TLCD3A: variants seen among roughly 807,000 people sequenced by gnomAD.
TLCD3A encodes the protein TLC domain-containing protein 3A.
In TLCD3A, 17 loss-of-function variants were observed where a neutral mutation model predicts 29.9. The ratio of observed to expected loss-of-function variants is 0.57; its 90% CI spans 0.39 to 0.85. The LOEUF (loss-of-function observed/expected upper bound fraction) is 0.85, where lower values mean the gene tolerates loss of function less well. Among genes scored for constraint, TLCD3A ranks in the 40% least tolerant of loss-of-function variants. TLCD3A has a pLI of 0.00. For synonymous variants in TLCD3A, 143 were observed against 147.7 expected, an observed-to-expected ratio of 0.97 and a Z score of 0.23; for missense variants, 332 against 350.8, an observed-to-expected ratio of 0.95 and a Z score of 0.43.
chr17:734,444 A>G lies in TLCD3A; in HGVS notation c.206+1263A>G, dbSNP rs549686673. Among the ~76,000 whole-genome samples, 5 of 151,570 alleles carry G rather than the reference A, an allele frequency of 3.3e-5. No homozygotes were observed. In the East Asian group the frequency reaches 9.7e-4, roughly 30 times the overall value. On this transcript the variant is annotated intron_variant, in intron 2 of 4. Coordinates refer to ENST00000308278, the MANE Select transcript of TLCD3A (RefSeq NM_024792.3). ...GTCTTCCTTAGCCTCCCAAGCTTGG[A>G]CTACAGGCACACACTACTACACCTG...
intron 2 of TLCD3A, among the ~76,000 whole-genome samples, chr17:733,735 AATC>A (rs1421215409): frequency 1.3e-5 from 2 of 152,230 alleles, no homozygotes; most frequent in Non-Finnish European, 1.5e-5. Context: ...CAGTGAAACA[AATC>A]ATAAATTAAG....
At position 741,859 on chromosome 17, in the gene TLCD3A, G is replaced by A. The variant is rs1428399928; in HGVS notation, c.*289G>A. On this transcript the variant is annotated 3_prime_UTR_variant, in exon 5 of 5. Coordinates refer to ENST00000308278, the MANE Select transcript of TLCD3A (RefSeq NM_024792.3). ...GGTCTTATCTCAAGAGCTCTGGGAG[G>A]TGGAAGCATGGGGTGGGATCGGTGG... 1.1e-5 allele frequency: 5 copies of A among 448,228 alleles called. No homozygotes were observed. Among genetic ancestry groups the A allele is most frequent in the Non-Finnish European group, 2.0e-5 (5 of 244,648 alleles). The allele number at this position is 448,228 out of a possible 1,614,324, so 27.8% of individuals were successfully genotyped here.
chr17:740,695 G>T lies in TLCD3A; in HGVS notation c.504+95G>T. 5 of 1,256,688 alleles carry T rather than the reference G, an allele frequency of 4.0e-6. No individual in the cohort carries two copies. The South Asian group carries it at 5.2e-5, about 13-fold the overall frequency. 77.8% of individuals were successfully genotyped at this position (1,256,688 alleles called of 1,614,324 possible). On this transcript the variant is annotated intron_variant, in intron 4 of 4. Coordinates refer to ENST00000308278, the MANE Select transcript of TLCD3A (RefSeq NM_024792.3). The stretch of plus-strand genomic sequence containing the variant: ...AGAGTGAGGGTTCTGATTCAGGCAT[G>T]TATGAATGAATGGCAGAGAGAGTGA...
intron 3 of TLCD3A, among the ~76,000 whole-genome samples, chr17:739,638 A>C (rs968379963): frequency 2.0e-5 from 3 of 152,258 alleles, no homozygotes; most frequent in Non-Finnish European, 4.4e-5. Flanking sequence ...GCGCCCTGCC[A>C]GGCATGTGAT....
At chr17:733,720 A>G (rs1974112803) in intron 2 of TLCD3A, among the ~76,000 whole-genome samples, 15 of 152,250 alleles carry the variant, frequency 9.9e-5, no homozygotes, top group Admixed American at 9.8e-4. Context: ...ACCTATCTGC[A>G]GTTCCAGTGA....
At chr17:735,675 C>A (rs1974143044) in intron 2 of TLCD3A, among the ~76,000 whole-genome samples, 1 of 151,984 alleles carries the variant, frequency 6.6e-6, no homozygotes, top group Non-Finnish European at 1.5e-5. Flanking sequence ...CCAAAAGAAA[C>A]CTAGCTAGGT....
In TLCD3A at chr17:741,721, T is replaced by C. The variant is rs1974258337; in HGVS notation, c.*151T>C. On this transcript the variant is annotated 3_prime_UTR_variant, in exon 5 of 5. Coordinates refer to ENST00000308278, the MANE Select transcript of TLCD3A (RefSeq NM_024792.3). ...CTAAAGAATATTCATATTACCTCCT[T>C]CTTCTAACTTGCCCTATTTGCAAAA... 1 of 941,870 alleles carries C rather than the reference T, an allele frequency of 1.1e-6. No individual in the cohort carries two copies. Among genetic ancestry groups the C allele is most frequent in the Non-Finnish European group, 1.5e-6 (1 of 646,516 alleles). The allele number at this position is 941,870 out of a possible 1,614,324, so 58.3% of individuals were successfully genotyped here.
intron 2 of TLCD3A, among the ~76,000 whole-genome samples, chr17:734,917 A>C (rs576871239): frequency 6.6e-6 from 1 of 152,270 alleles, no homozygotes; most frequent in South Asian, 2.1e-4. Context: ...CCTGGGCTCA[A>C]GCCATTCTCC....
rs771963033 is a variant in TLCD3A at position 741,405 on chromosome 17, T to C, written c.609T>C (p.Tyr203=). The change falls in exon 5 of 5, where the codon TAT becomes TAC. Residue 203 remains tyrosine (Y), a synonymous_variant. Transcript: ENST00000308278. ...TCTTCCCCTTCATGTACTGGTCCTA[T>C]GGCCGCCAGCAGGGACTAAGCCTGC... ...ILLFPFMYWS[Y]GRQQGLSLLQ... is the part of the protein sequence containing the mutation. The C allele has an allele frequency of 8.1e-6, 13 of 1,614,128 alleles. No homozygotes were observed. Among genetic ancestry groups the C allele is most frequent in the Non-Finnish European group, 1.0e-5 (12 of 1,180,044 alleles).
rs1194685055 is a variant in TLCD3A at position 741,684 on chromosome 17, A to G, written c.*114A>G. On this transcript the variant is annotated 3_prime_UTR_variant, in exon 5 of 5. Coordinates refer to ENST00000308278, the MANE Select transcript of TLCD3A (RefSeq NM_024792.3). Reference sequence around the variant, plus strand: ...ACTTTGGGTATTGATAAGCCGATGGATTTGAGTTTTTCTAAAGAATATTCA... The same window carrying G: ...ACTTTGGGTATTGATAAGCCGATGGGTTTGAGTTTTTCTAAAGAATATTCA... 1 of 1,292,026 alleles carries G rather than the reference A, an allele frequency of 7.7e-7. No individual in the cohort carries two copies. Among genetic ancestry groups the G allele is most frequent in the African/African-American group, 1.5e-5 (1 of 67,138 alleles). The allele number at this position is 1,292,026 out of a possible 1,614,324, so 80.0% of individuals were successfully genotyped here. A position where few individuals can be genotyped will look rare whatever the true frequency, so the allele number is the denominator to read the frequency against.
rs1430052534 is a variant in TLCD3A, at chr17:742,488, A to C, written c.*918A>C. ...TGTGGAAACCTACTTCTGTCCTCCA[A>C]ACCATGAAATGTGTCATCTAGACTG... On this transcript the variant is annotated 3_prime_UTR_variant, in exon 5 of 5. Coordinates refer to ENST00000308278, the MANE Select transcript of TLCD3A (RefSeq NM_024792.3). 1 of 152,192 alleles carries C rather than the reference A, an allele frequency of 6.6e-6. No individual in the cohort carries two copies. Among genetic ancestry groups the C allele is most frequent in the Non-Finnish European group, 1.5e-5 (1 of 68,034 alleles). The allele number at this position is 152,192 out of a possible 1,614,324, so 9.4% of individuals were successfully genotyped here. A position where few individuals can be genotyped will look rare whatever the true frequency, so the allele number is the denominator to read the frequency against.
rs756472797 is a variant in TLCD3A, at chr17:741,551, A to C, written c.755A>C (p.Gln252Pro). 1 of 1,613,420 alleles carries C rather than the reference A, an allele frequency of 6.2e-7. No homozygotes were observed. Among genetic ancestry groups the C allele is most frequent in the Non-Finnish European group, 8.5e-7 (1 of 1,180,010 alleles). Residue 252 changes from glutamine (Q) to proline (P), a missense_variant, in exon 5 of 5, where the codon CAA becomes CCA. Gln to Pro is a moderately conservative substitution (Grantham distance 76). Transcript: ENST00000308278. ...GCAGTCCGGCTCTTTGACACTCCCC[A>C]AGCCAAAAAGGATGGCTAAATGCTC... ...RKAVRLFDTP[Q>P]AKKDG
rs1187831384 is a variant in TLCD3A, at chr17:742,573, CTG to C, written c.*1009_*1010del. Reference sequence around the variant, plus strand: ...AGAGCTTGTGGTCCAAAGCCCATTCCTGTGTGTCCGTCCTGCCATTTAGCCAC... The same window carrying C: ...AGAGCTTGTGGTCCAAAGCCCATTCCTGTGTCCGTCCTGCCATTTAGCCAC... On this transcript the variant is annotated 3_prime_UTR_variant, in exon 5 of 5. Coordinates refer to ENST00000308278, the MANE Select transcript of TLCD3A (RefSeq NM_024792.3). 6.6e-6 allele frequency: 1 copy of C among 152,298 alleles called. No homozygotes were observed. The highest frequency in any genetic ancestry group is 1.5e-5 in the Non-Finnish European group (1 of 68,062). 9.4% of individuals were successfully genotyped at this position (152,298 alleles called of 1,614,324 possible).
At position 737,925 on chromosome 17, in the gene TLCD3A, T is replaced by C. The variant is rs1328213043; in HGVS notation, c.286T>C (p.Trp96Arg). 1.2e-6 allele frequency: 2 copies of C among 1,613,940 alleles called. No homozygotes were observed. Among genetic ancestry groups the C allele is most frequent in the African/African-American group, 1.3e-5 (1 of 74,872 alleles). ...CTCGTACGCCATGTACCTCTGTGAA[T>C]GGTGCCGAACCAGAGACCAGAACCG... is the stretch of plus-strand genomic sequence containing the variant. ...YDSYAMYLCE[W>R]CRTRDQNRAP... Residue 96 changes from tryptophan to arginine, a missense_variant, in exon 3 of 5, where the codon TGG becomes CGG. Physicochemically the swap from Trp to Arg is moderately radical, Grantham distance 101. Coordinates refer to ENST00000308278, the MANE Select transcript of TLCD3A (RefSeq NM_024792.3).
At position 732,955 on chromosome 17, in the gene TLCD3A, G is replaced by A. The variant is rs573917402; in HGVS notation, c.123-143G>A. ...CCCTGGCGGGAGCGGGGCCGGGGCG[G>A]GCGGGAATGGCCGATGAGCCTCCGG... On this transcript the variant is annotated intron_variant, in intron 1 of 4. Coordinates refer to ENST00000308278, the MANE Select transcript of TLCD3A (RefSeq NM_024792.3). 4.0e-5 allele frequency: 56 copies of A among 1,392,054 alleles called. No homozygotes were observed. The East Asian group carries it at 1.0e-3, about 26-fold the overall frequency. 86.2% of individuals were successfully genotyped at this position (1,392,054 alleles called of 1,614,324 possible).
At chr17:740,634 G>C (rs780648126) in intron 4 of TLCD3A, 34 bp downstream of exon 4, 8 of 1,582,266 alleles carry the variant, frequency 5.1e-6, no homozygotes, top group Non-Finnish European at 6.9e-6. Flanking sequence ...GAGTGTGAGG[G>C]TTCTGATTCA....
intron 2 of TLCD3A, among the ~76,000 whole-genome samples, chr17:734,501 CAG>C (rs776936848): frequency 5.8e-4 from 83 of 143,136 alleles, no homozygotes; most frequent in African/African-American, 1.6e-3. Context: ...TTGGTAGAGA[CAG>C]GGGTCTCCCT....
chr17:737,876 T>C lies in TLCD3A; in HGVS notation c.237T>C (p.Phe79=), dbSNP rs571050432. 3.1e-6 allele frequency: 5 copies of C among 1,614,178 alleles called. No individual in the cohort carries two copies. In the East Asian group the frequency reaches 1.1e-4, roughly 36 times the overall value. The part of the protein sequence containing the change: ...RHWLAREYVW[F]LIPYMIYDSY... ...GGCTTGCCCGGGAATATGTGTGGTTTCTGATTCCATACATGATCTATGACT... is the reference window on the plus strand; with the variant it reads ...GGCTTGCCCGGGAATATGTGTGGTTCCTGATTCCATACATGATCTATGACT... The change falls in exon 3 of 5, where the codon TTT becomes TTC. Residue 79 remains phenylalanine, a synonymous_variant. Transcript: ENST00000308278.
chr17:733,192 G>C lies in TLCD3A; in HGVS notation c.206+11G>C. On this transcript the variant is annotated intron_variant, in intron 2 of 4. Transcript: ENST00000308278. Reference sequence around the variant, plus strand: ...CGTGATCACCGGCAGGTAAGAGCCCGGGCCGGGGCCTTGTTGCAAATGTCA... The same window carrying C: ...CGTGATCACCGGCAGGTAAGAGCCCCGGCCGGGGCCTTGTTGCAAATGTCA... 6.5e-7 allele frequency: 1 copy of C among 1,534,122 alleles called. No individual in the cohort carries two copies. The highest frequency in any genetic ancestry group is 8.8e-7 in the Non-Finnish European group (1 of 1,140,004).
Sources: gnomAD v4.1 joint callset for allele counts (sites outside exome capture counted in the v4.1 genomes callset) on GRCh38, gnomAD v4.1.1 for gene constraint, MANE v1.5 for transcripts, NCBI Gene and HGNC (gene_info 2026-07-23, HGNC 2026-07-21) for gene names.